The following NUAK2 variants were observed in gnomAD, a reference collection of about 807,000 sequenced individuals.
NUAK2 encodes the protein NUAK family kinase 2, also known as NUAK family SNF1-like kinase 2.
Under a neutral mutation model 29.8 loss-of-function variants are expected in NUAK2, and 20 were observed. That is an observed-to-expected ratio of 0.67 (90% CI 0.47 to 0.98). NUAK2 has a LOEUF of 0.98. Ranked by LOEUF, NUAK2 falls within the 50% of genes least tolerant of loss-of-function variation. The pLI, the probability that NUAK2 is intolerant of heterozygous loss-of-function variation, is 0.00. For synonymous variants in NUAK2, 331 were observed against 342.6 expected (o/e 0.97, Z 0.37); for missense variants, 719 against 834.5 (o/e 0.86, Z 1.71).
chr1:205,303,870 C>T lies in NUAK2; in HGVS notation c.1467G>A (p.Pro489=), dbSNP rs769929513. 3.0e-5 allele frequency: 49 copies of T among 1,613,486 alleles called. No homozygotes were observed. Among genetic ancestry groups the T allele is most frequent in the Admixed American group, 5.0e-5 (3 of 59,920 alleles). Residue 489 remains proline (P), a synonymous_variant, in exon 7 of 7, where the codon CCG becomes CCA. Coordinates refer to ENST00000367157, the MANE Select transcript of NUAK2 (RefSeq NM_030952.3). ...VSGDPKEQKP[P]QASGLLLHRK... ...GATGGAGGAGCAGCCCTGAAGCTTG[C>T]GGAGGCTTCTGCTCCTTGGGATCCC...
chr1:205,306,167 C>T, intron 5 of NUAK2, 21 bp downstream of exon 5: 1 of 1,584,914 alleles, frequency 6.3e-7, no homozygotes, highest in Non-Finnish European at 8.6e-7. Flanking sequence ...GGCAGGCTGG[C>T]AGGGGAGGGT....
chr1:205,310,961 TAC>T (rs1358005239), intron 2 of NUAK2, among the ~76,000 whole-genome samples: 2 of 152,228 alleles, frequency 1.3e-5, no homozygotes, highest in Non-Finnish European at 2.9e-5. Context: ...AGGGCAGAGT[TAC>T]AGTCTCCCTT....
Position 205,311,705 on chromosome 1 carries a change from C to G in NUAK2, c.352G>C (p.Val118Leu). Residue 118 changes from valine to leucine, a missense_variant and splice_region_variant, in exon 2 of 7, where the codon GTG (valine) becomes CTG (leucine). Around this residue, in one of 3 missense-constraint regions of NUAK2, gnomAD observed 283 missense variants for 345.6 expected, o/e 0.82. Coordinates refer to ENST00000367157, the MANE Select transcript of NUAK2 (RefSeq NM_030952.3). The stretch of plus-strand genomic sequence containing the variant: ...TTCCAGCTTTAAGTGCCCACTGTAC[C>G]TTCATGGATGGCAATGATGTGAGGG... ...NHPHIIAIHE[V>L]FENSSKIVIV... The G allele has an allele frequency of 6.2e-7, 1 of 1,614,098 alleles. No individual in the cohort carries two copies. Among genetic ancestry groups the G allele is most frequent in the Non-Finnish European group, 8.5e-7 (1 of 1,179,974 alleles).
At position 205,303,606 on chromosome 1, in the gene NUAK2, G is replaced by A. The variant is rs1039630871; in HGVS notation, c.1731C>T (p.Leu577=). 1.2e-6 allele frequency: 2 copies of A among 1,611,318 alleles called. No homozygotes were observed. Among genetic ancestry groups the A allele is most frequent in the African/African-American group, 2.7e-5 (2 of 74,906 alleles). ...PLRGCVSVDN[L]TGLEEPPSEG... Reference sequence around the variant, plus strand: ...CTGAGGGGGGCTCCTCAAGCCCCGTGAGGTTGTCCACAGACACACAGCCCC... The same window carrying A: ...CTGAGGGGGGCTCCTCAAGCCCCGTAAGGTTGTCCACAGACACACAGCCCC... Residue 577 remains leucine (L), a synonymous_variant, in exon 7 of 7, where the codon CTC becomes CTT. Coordinates refer to ENST00000367157, the MANE Select transcript of NUAK2 (RefSeq NM_030952.3).
In NUAK2 at chr1:205,303,636, TG is replaced by T; in HGVS notation, c.1700del (p.Pro567HisfsTer26). On this transcript the variant is annotated frameshift_variant, in exon 7 of 7. Transcript: ENST00000367157. LOFTEE classifies it low-confidence loss of function (END_TRUNC). ...LDLPERLPEP[P>X]LRGCVSVDNL... ...TGTCCACAGACACACAGCCCCGCAGTGGGGGCTCTGGGAGCCGTTCAGGCAA... is the reference window on the plus strand; with the variant it reads ...TGTCCACAGACACACAGCCCCGCAGTGGGGCTCTGGGAGCCGTTCAGGCAA... 6.3e-7 allele frequency: 1 copy of T among 1,591,696 alleles called. No individual in the cohort carries two copies. The highest frequency in any genetic ancestry group is 1.1e-5 in the South Asian group (1 of 88,682).
At chr1:205,320,069 A>G (rs1244531017) in intron 1 of NUAK2, among the ~76,000 whole-genome samples, 1 of 152,176 alleles carries the variant, frequency 6.6e-6, no homozygotes, top group Non-Finnish European at 1.5e-5. Context: ...CTTCAGAATA[A>G]ATTACTCTGG....
rs1410595658 is a variant in NUAK2, at chr1:205,304,392, C to A, written c.945G>T (p.Glu315Asp). 6.2e-7 allele frequency: 1 copy of A among 1,606,476 alleles called. No individual in the cohort carries two copies. Among genetic ancestry groups the A allele is most frequent in the Non-Finnish European group, 8.5e-7 (1 of 1,175,376 alleles). The change falls in exon 7 of 7, where the codon GAG becomes GAT. Residue 315 changes from glutamate (E) to aspartate (D), a missense_variant. Coordinates refer to ENST00000367157, the MANE Select transcript of NUAK2 (RefSeq NM_030952.3). The surrounding 1 kb of genome is among the most constrained non-coding windows in gnomAD (Gnocchi z 6.5). ...CAGGGTGCCCACCCTCATGCGGAGC[C>A]TCCTGCTCTCCCACTCGGGTGGCGT... Reference protein sequence around the residue: ...WGYATRVGEQEAPHEGGHPGS... With the variant: ...WGYATRVGEQDAPHEGGHPGS...
rs1173538457 is a variant in NUAK2 at position 205,303,666 on chromosome 1, C to A, written c.1671G>T (p.Leu557=). 6.4e-7 allele frequency: 1 copy of A among 1,567,012 alleles called. No homozygotes were observed. The highest frequency in any genetic ancestry group is 2.2e-5 in the East Asian group (1 of 44,488). ...SILSSESFDQ[L]DLPERLPEPP... ...GCTCTGGGAGCCGTTCAGGCAAGTC[C>A]AGCTGGTCAAAGGACTCAGAGGACA... The change falls in exon 7 of 7, where the codon CTG becomes CTT. Residue 557 remains leucine (L), a synonymous_variant. Transcript: ENST00000367157.
chr1:205,308,573 G>T lies in NUAK2; in HGVS notation c.504+8C>A, dbSNP rs181844633. 7.8e-5 allele frequency: 126 copies of T among 1,612,486 alleles called. No individual in the cohort carries two copies. In the East Asian group the frequency reaches 2.8e-3, roughly 36 times the overall value. ...CTGAGAATATGGCTGGAGCAGGTAGGTGCTCACCTGATGGCAATAGTGCAC... is the reference window on the plus strand; with the variant it reads ...CTGAGAATATGGCTGGAGCAGGTAGTTGCTCACCTGATGGCAATAGTGCAC... On this transcript the variant is annotated splice_region_variant and intron_variant, in intron 3 of 6. Coordinates refer to ENST00000367157, the MANE Select transcript of NUAK2 (RefSeq NM_030952.3). The surrounding 1 kb of genome is among the most constrained non-coding windows in gnomAD (Gnocchi z 4.1).
At chr1:205,306,094 T>G in intron 5 of NUAK2, 94 bp downstream of exon 5, 2 of 1,465,234 alleles carry the variant, frequency 1.4e-6, no homozygotes, top group South Asian at 1.4e-5. Flanking sequence ...GCTCTGAAAA[T>G]GTGAATAACG....
rs1662219791 is a variant in NUAK2, at chr1:205,308,898, C to G, written c.353-166G>C. 6.6e-6 allele frequency among the ~76,000 whole-genome samples: 1 copy of G among 152,064 alleles called. No homozygotes were observed. The highest frequency in any genetic ancestry group is 1.5e-5 in the Non-Finnish European group (1 of 68,016). On this transcript the variant is annotated intron_variant, in intron 2 of 6. Transcript: ENST00000367157. This position sits in a 1 kb window ranked among gnomAD's most constrained non-coding sequence, Gnocchi z 4.1. ...TGGCAAATAAGGGCAGAAGAAGGGC[C>G]TTGGAAGTTCTCAGCATCTTCCAGG...
Position 205,302,948 on chromosome 1 carries a change from A to C in NUAK2, c.*502T>G, listed in dbSNP as rs1662105171. 1 of 152,354 alleles carries C rather than the reference A, an allele frequency of 6.6e-6. No individual in the cohort carries two copies. Among genetic ancestry groups the C allele is most frequent in the Non-Finnish European group, 1.5e-5 (1 of 68,166 alleles). 9.4% of individuals were successfully genotyped at this position (152,354 alleles called of 1,614,324 possible). ...TAAAAATAACGAAGCGTTACTCCAG[A>C]CCATTCCCAGGATGCCTCATGCACA... On this transcript the variant is annotated 3_prime_UTR_variant, in exon 7 of 7. Coordinates refer to ENST00000367157, the MANE Select transcript of NUAK2 (RefSeq NM_030952.3).
chr1:205,304,359 G>A lies in NUAK2; in HGVS notation c.978C>T (p.Asp326=), dbSNP rs1662147098. The part of the protein sequence containing the change: ...APHEGGHPGS[D]SARASMADWL... ...AGTCAGCCATGGAGGCGCGGGCAGA[G>A]TCACTGCCAGGGTGCCCACCCTCAT... is the stretch of plus-strand genomic sequence containing the variant. Residue 326 remains aspartate (D), a synonymous_variant, in exon 7 of 7, where the codon GAC becomes GAT. Transcript: ENST00000367157. The surrounding 1 kb of genome is among the most constrained non-coding windows in gnomAD (Gnocchi z 6.5). 1.2e-6 allele frequency: 2 copies of A among 1,610,358 alleles called. No homozygotes were observed. The highest frequency in any genetic ancestry group is 1.7e-5 in the Admixed American group (1 of 59,812).
In NUAK2 at chr1:205,303,934, G is replaced by A. The variant is rs759960920; in HGVS notation, c.1403C>T (p.Ser468Phe). The A allele has an allele frequency of 9.9e-6, 16 of 1,613,928 alleles. No individual in the cohort carries two copies. Among genetic ancestry groups the A allele is most frequent in the Non-Finnish European group, 1.4e-5 (16 of 1,180,012 alleles). The change falls in exon 7 of 7, where the codon TCT (serine) becomes TTT (phenylalanine). Residue 468 changes from serine (S) to phenylalanine (F), a missense_variant. Ser to Phe is a radical substitution (Grantham distance 155). Around this residue, in one of 3 missense-constraint regions of NUAK2, gnomAD observed 430 missense variants for 465.7 expected, o/e 0.92. Coordinates refer to ENST00000367157, the MANE Select transcript of NUAK2 (RefSeq NM_030952.3). ...GTCGCCTGCGTCCAAGAGCTCCCCA[G>A]ATTCACTGGGCTCGGGAGAGGAGTA... ...GYYSSPEPSE[S>F]GELLDAGDVF...
rs1662157331 is a variant in NUAK2, at chr1:205,304,884, T to C, written c.823+315A>G. ...CTTCTTCCTGCCTTCTGAGTCATAG[T>C]GAAGGACAAAAAGATTTCTGAAGAT... On this transcript the variant is annotated intron_variant, in intron 6 of 6. Transcript: ENST00000367157. The surrounding 1 kb of genome is among the most constrained non-coding windows in gnomAD (Gnocchi z 6.5). Among the ~76,000 whole-genome samples the C allele has an allele frequency of 6.6e-6, 1 of 152,206 alleles. No homozygotes were observed. Among genetic ancestry groups the C allele is most frequent in the African/African-American group, 2.4e-5 (1 of 41,452 alleles).
At chr1:205,311,414 C>T (rs1662256202) in intron 2 of NUAK2, among the ~76,000 whole-genome samples, 1 of 152,178 alleles carries the variant, frequency 6.6e-6, no homozygotes, top group Admixed American at 6.5e-5. Flanking sequence ...CCTTGAGTAC[C>T]TCCCATGAGT....
chr1:205,305,521 A>G (rs1662167953), intron 5 of NUAK2, 190 bp from the exon 6 acceptor site: 1 of 985,396 alleles, frequency 1.0e-6, no homozygotes, highest in Non-Finnish European at 1.2e-6. Flanking sequence ...CCACAAGCAC[A>G]AGAGCTACAG....
At chr1:205,319,646 G>A (rs562140973) in intron 1 of NUAK2, among the ~76,000 whole-genome samples, 81 of 152,212 alleles carry the variant, frequency 5.3e-4, no homozygotes, top group African/African-American at 1.8e-3. Context: ...GAGCCTCACC[G>A]GGCCCTCACA....
chr1:205,310,113 G>A (rs556981574), intron 2 of NUAK2, among the ~76,000 whole-genome samples: 57 of 152,238 alleles, frequency 3.7e-4, no homozygotes, highest in Non-Finnish European at 1.0e-4. Flanking sequence ...AAGGAGTGAA[G>A]TGAAGAGCCT....
Sources: allele counts gnomAD v4.1 joint callset (sites outside exome capture counted in the v4.1 genomes callset), GRCh38; gene constraint gnomAD v4.1.1; regional missense constraint gnomAD v4.1.1; non-coding constraint Gnocchi (gnomAD v3.1); transcripts MANE v1.5; gene names NCBI Gene and HGNC (gene_info 2026-07-23, HGNC 2026-07-21).